Variants in SPATA6 observed in about 807,000 individuals in gnomAD.
The protein encoded by SPATA6 is spermatogenesis-associated protein 6.
SPATA6 carries 56 observed loss-of-function variants against 65.3 expected under a neutral mutation model. The observed-to-expected ratio is 0.86, with a 90% CI of 0.69 to 1.07. The LOEUF (loss-of-function observed/expected upper bound fraction) is 1.07. SPATA6 is among the 50% of genes least tolerant of loss of function. The probability of loss-of-function intolerance (pLI) is 0.00; values close to 1 mark genes in which losing one functional copy is unlikely to be tolerated. For synonymous variants in SPATA6, 199 were observed against 213.2 expected (o/e 0.93, Z 0.58); for missense variants, 590 against 594.8 (o/e 0.99, Z 0.08).
chr1:48,404,549 T>C (rs1478476921), intron 5 of SPATA6, among the ~76,000 whole-genome samples: 1 of 152,014 alleles, frequency 6.6e-6, no homozygotes, highest in Non-Finnish European at 1.5e-5. Flanking sequence ...CACTATGTCA[T>C]GCAGGCTGGT....
chr1:48,428,831 A>G (rs556557845), intron 3 of SPATA6, among the ~76,000 whole-genome samples: 2 of 140,818 alleles, frequency 1.4e-5, no homozygotes, highest in African/African-American at 2.6e-5. Flanking sequence ...ATATGTGTGT[A>G]TATATATGTG....
intron 11 of SPATA6, among the ~76,000 whole-genome samples, chr1:48,324,915 T>C (rs1645710960): frequency 6.6e-6 from 1 of 152,202 alleles, no homozygotes; most frequent in Admixed American, 6.5e-5. Flanking sequence ...TTATCTTTCC[T>C]TGCAGATGAT....
chr1:48,317,387 T>G (rs979474689), intron 11 of SPATA6, among the ~76,000 whole-genome samples: 2 of 152,152 alleles, frequency 1.3e-5, no homozygotes. Context: ...GGGACATGGA[T>G]GAAGCTGGAA....
intron 1 of SPATA6, among the ~76,000 whole-genome samples, chr1:48,454,301 T>C (rs1228257412): frequency 6.6e-6 from 1 of 152,098 alleles, no homozygotes; most frequent in Non-Finnish European, 1.5e-5. Context: ...TATTTTTTAT[T>C]GTTCTCTTTT....
intron 3 of SPATA6, chr1:48,436,944 T>C (rs1377460850): frequency 1.6e-4 from 251 of 1,613,058 alleles, no homozygotes; most frequent in Non-Finnish European, 2.0e-4. Flanking sequence ...ACACAGTAAA[T>C]AGTGACCGAT....
chr1:48,321,612 C>G (rs866005301), intron 11 of SPATA6, among the ~76,000 whole-genome samples: 1 of 152,066 alleles, frequency 6.6e-6, no homozygotes, highest in Non-Finnish European at 1.5e-5. Flanking sequence ...AGACAGACAT[C>G]CAGACATAAA....
chr1:48,282,031 G>T, the SPATA6 span, among the ~76,000 whole-genome samples: 5 of 151,894 alleles, frequency 3.3e-5, no homozygotes, highest in African/African-American at 7.3e-5. Context: ...ATAACGCCAC[G>T]TATCTACAAC....
chr1:48,322,443 T>C (rs146193993), intron 11 of SPATA6, among the ~76,000 whole-genome samples: 273 of 152,254 alleles, frequency 1.8e-3, no homozygotes, highest in African/African-American at 6.4e-3. Flanking sequence ...GACTTACATG[T>C]AAAACCTAAA....
At chr1:48,430,061 A>G (rs1654256450) in intron 3 of SPATA6, among the ~76,000 whole-genome samples, 1 of 152,206 alleles carries the variant, frequency 6.6e-6, no homozygotes, top group Admixed American at 6.5e-5. Flanking sequence ...GAGAGAAAGG[A>G]GCAAAGAATA....
Position 48,439,892 on chromosome 1 carries a change from G to A in SPATA6, c.238+11660C>T, listed in dbSNP as rs114714166. ...GATGGGGAAAAAATGACCACCTGAG[G>A]AATGTATAAATTAAAATACTATACT... On this transcript the variant is annotated intron_variant, in intron 3 of 12. Transcript: ENST00000371847. Among the ~76,000 whole-genome samples, 417 of 152,256 alleles carry A rather than the reference G, an allele frequency of 2.7e-3. 2 individuals are homozygous for A. Among genetic ancestry groups the A allele is most frequent in the African/African-American group, 9.6e-3 (399 of 41,536 alleles).
intron 11 of SPATA6, among the ~76,000 whole-genome samples, chr1:48,351,260 C>T (rs1646507142): frequency 6.6e-6 from 1 of 151,956 alleles, no homozygotes; most frequent in Non-Finnish European, 1.5e-5. Context: ...GAGTTTTCTA[C>T]ATAAATAATC....
At chr1:48,278,884 T>C in the SPATA6 span, among the ~76,000 whole-genome samples, 18 of 152,110 alleles carry the variant, frequency 1.2e-4, 1 homozygote, top group Non-Finnish European at 2.4e-4. Context: ...AATTGTCAGA[T>C]TCACCAAAGT....
At chr1:48,409,343 G>T (rs1330824691) in intron 5 of SPATA6, among the ~76,000 whole-genome samples, 1 of 152,232 alleles carries the variant, frequency 6.6e-6, no homozygotes, top group Non-Finnish European at 1.5e-5. Flanking sequence ...CGTTCCCATG[G>T]TCTTGGGCAG....
At chr1:48,306,712 G>A (rs1645070398) in intron 11 of SPATA6, among the ~76,000 whole-genome samples, 2 of 151,906 alleles carry the variant, frequency 1.3e-5, no homozygotes, top group Admixed American at 1.3e-4. Flanking sequence ...GAAATCAGCT[G>A]AATGCACATT....
At chr1:48,459,317 C>T (rs1266605186) in intron 1 of SPATA6, among the ~76,000 whole-genome samples, 1 of 150,552 alleles carries the variant, frequency 6.6e-6, no homozygotes, top group East Asian at 2.0e-4. Context: ...CATCTAATTA[C>T]TAATCATAAA....
At position 48,457,111 on chromosome 1, in the gene SPATA6, A is replaced by G. The variant is rs1053745636; in HGVS notation, c.52-3980T>C. Among the ~76,000 whole-genome samples the G allele has an allele frequency of 5.3e-4, 80 of 152,226 alleles. 1 individual carries two copies. The highest frequency in any genetic ancestry group is 1.9e-3 in the African/African-American group (79 of 41,552). On this transcript the variant is annotated intron_variant, in intron 1 of 12. Transcript: ENST00000371847. Reference sequence around the variant, plus strand: ...ACTTTTTAAAAGATCACAGAACTCCAACCTGTGCACCTAATAAACTTTCAA... The same window carrying G: ...ACTTTTTAAAAGATCACAGAACTCCGACCTGTGCACCTAATAAACTTTCAA...
intron 1 of SPATA6, among the ~76,000 whole-genome samples, chr1:48,466,904 T>C (rs1657850794): frequency 6.6e-6 from 1 of 151,972 alleles, no homozygotes; most frequent in African/African-American, 2.4e-5. Flanking sequence ...CAATCCCAAA[T>C]TGACACTATT....
At chr1:48,422,859 A>G (rs1258052367) in intron 3 of SPATA6, among the ~76,000 whole-genome samples, 1 of 152,198 alleles carries the variant, frequency 6.6e-6, no homozygotes, top group African/African-American at 2.4e-5. Flanking sequence ...ATAAGAATAT[A>G]CCAAAAGAAC....
chr1:48,428,394 G>A (rs543612360), intron 3 of SPATA6, among the ~76,000 whole-genome samples: 6 of 152,094 alleles, frequency 3.9e-5, no homozygotes, highest in Non-Finnish European at 7.4e-5. Context: ...TGGATGTTGC[G>A]GTGAGCTGAG....
Sources: allele counts gnomAD v4.1 joint callset (sites outside exome capture counted in the v4.1 genomes callset), GRCh38; gene constraint gnomAD v4.1.1; transcripts MANE v1.5; gene names NCBI Gene and HGNC (gene_info 2026-07-23, HGNC 2026-07-21).